Variants in IQCE observed in about 807,000 individuals in gnomAD.
The protein encoded by IQCE is IQ motif containing E.
IQCE carries 115 observed loss-of-function variants against 96.0 expected under a neutral mutation model. That is an observed-to-expected ratio of 1.20 (90% confidence interval 1.03 to 1.40). The LOEUF (loss-of-function observed/expected upper bound fraction) is 1.40. Among genes scored for constraint, IQCE ranks in the 40% most tolerant of loss-of-function variants. The probability of loss-of-function intolerance (pLI) is 0.00; values close to 1 mark genes in which losing one functional copy is unlikely to be tolerated. For missense variants in IQCE, 1,041 were observed against 909.1 expected (o/e 1.15, Z -1.87); for synonymous variants, 412 against 371.2 (o/e 1.11, Z -1.26).
rs141249313 is a variant in IQCE at position 2,566,887 on chromosome 7, C to G, written c.37-229C>G. ...GTTACTAGATTTGCAGACATTTGCACGCCTGCTGGGCGGCGTTTTGTGTTT... is the reference window on the plus strand; with the variant it reads ...GTTACTAGATTTGCAGACATTTGCAGGCCTGCTGGGCGGCGTTTTGTGTTT... On this transcript the variant is annotated intron_variant, in intron 1 of 21. Coordinates refer to ENST00000402050, the MANE Select transcript of IQCE (RefSeq NM_152558.5). 2.6e-5 allele frequency among the ~76,000 whole-genome samples: 4 copies of G among 152,366 alleles called. No individual in the cohort carries two copies. The South Asian group carries it at 6.2e-4, about 24-fold the overall frequency.
chr7:2,578,756 C>A (rs560895853), intron 8 of IQCE, among the ~76,000 whole-genome samples: 1 of 152,180 alleles, frequency 6.6e-6, no homozygotes, highest in African/African-American at 2.4e-5. Flanking sequence ...CCCATCACAA[C>A]GGGCGACTTC....
chr7:2,572,834 G>C (rs924021666), intron 5 of IQCE: 1 of 430,938 alleles, frequency 2.3e-6, no homozygotes, highest in Non-Finnish European at 4.6e-6. Flanking sequence ...ATGAGCCACC[G>C]TGCCCGGCCT....
In IQCE at chr7:2,584,300, T is replaced by C. The variant is rs780080917; in HGVS notation, c.824+15T>C. 2 of 1,613,430 alleles carry C rather than the reference T, an allele frequency of 1.2e-6. No homozygotes were observed. Among genetic ancestry groups the C allele is most frequent in the Admixed American group, 3.3e-5 (2 of 60,030 alleles). ...ACCGGAAAGAAGTATGATGGCCGCT[T>C]GCAAGCTGTGTTTTGTGTGTTGCCT... On this transcript the variant is annotated intron_variant, in intron 11 of 21. Transcript: ENST00000402050.
At chr7:2,592,645 G>A (rs1378539758) in intron 14 of IQCE, among the ~76,000 whole-genome samples, 1 of 152,256 alleles carries the variant, frequency 6.6e-6, no homozygotes, top group East Asian at 1.9e-4. Flanking sequence ...GCAGTGCCAC[G>A]GTCTAGGCGG....
chr7:2,565,396 G>A (rs1781300476), intron 1 of IQCE, among the ~76,000 whole-genome samples: 1 of 152,306 alleles, frequency 6.6e-6, no homozygotes, highest in East Asian at 1.9e-4. Context: ...AGCACGGCTG[G>A]AAGGGAGTGG....
chr7:2,578,520 C>T lies in IQCE; in HGVS notation c.624C>T (p.Ala208=), dbSNP rs992302308. ...CTCTGGCAGAGAAAAGGCCCGATGC[C>T]AGTTGGGTGAGTATGGTGTGTGCAG... The part of the protein sequence containing the change: ...VRTLAEKRPD[A]SWVINGLKQR... The change falls in exon 8 of 22, where the codon GCC becomes GCT. Residue 208 remains alanine, a synonymous_variant. Coordinates refer to ENST00000402050, the MANE Select transcript of IQCE (RefSeq NM_152558.5). 11 of 1,614,030 alleles carry T rather than the reference C, an allele frequency of 6.8e-6. No individual in the cohort carries two copies. The Admixed American group carries it at 1.5e-4, about 22-fold the overall frequency.
chr7:2,581,864 C>A (rs11770735), intron 8 of IQCE, among the ~76,000 whole-genome samples: 1 of 151,660 alleles, frequency 6.6e-6, no homozygotes, highest in African/African-American at 2.4e-5. Flanking sequence ...CGCCCGCCAC[C>A]GCGCCTGGCT....
At chr7:2,587,010 T>A (rs1477151318) in intron 12 of IQCE, among the ~76,000 whole-genome samples, 1 of 152,166 alleles carries the variant, frequency 6.6e-6, no homozygotes, top group Non-Finnish European at 1.5e-5. Flanking sequence ...TCTGCGCTTG[T>A]CTAGTCGGGC....
intron 3 of IQCE, among the ~76,000 whole-genome samples, chr7:2,571,132 C>G (rs1450610590): frequency 6.6e-6 from 1 of 152,162 alleles, no homozygotes; most frequent in Non-Finnish European, 1.5e-5. Flanking sequence ...ATCCTCCTGC[C>G]TCAGCCCCCT....
rs1785132975 is a variant in IQCE, at chr7:2,612,329, C to T, written c.*2167C>T. ...AGTGTCTTCAGCTGATGCCCAGTGT[C>T]CAGTGCTGGTCACCAGTCCCCTTTG... On this transcript the variant is annotated 3_prime_UTR_variant, in exon 22 of 22. Coordinates refer to ENST00000402050, the MANE Select transcript of IQCE (RefSeq NM_152558.5). The T allele has an allele frequency of 6.6e-6, 1 of 152,370 alleles. No individual in the cohort carries two copies. The highest frequency in any genetic ancestry group is 1.5e-5 in the Non-Finnish European group (1 of 68,156). The allele number at this position is 152,370 out of a possible 1,614,324, so 9.4% of individuals were successfully genotyped here.
intron 1 of IQCE, among the ~76,000 whole-genome samples, chr7:2,559,786 A>AGGG (rs1780797928): frequency 2.5e-5 from 1 of 39,760 alleles, no homozygotes; most frequent in Non-Finnish European, 6.6e-5. Context: ...GGGGGGGCGG[A>AGGG]GGGACAAGGT....
intron 1 of IQCE, 40 bp downstream of exon 1, chr7:2,559,257 C>T (rs899297472): frequency 4.2e-6 from 5 of 1,182,992 alleles, no homozygotes; most frequent in Non-Finnish European, 5.3e-6. Flanking sequence ...CGGGCGTCCG[C>T]GAGGCCTCGG....
At chr7:2,598,961 G>A (rs914072003) in intron 17 of IQCE, among the ~76,000 whole-genome samples, 2 of 152,180 alleles carry the variant, frequency 1.3e-5, no homozygotes, top group African/African-American at 2.4e-5. Flanking sequence ...CACCGTGACT[G>A]CACCTAGGGC....
intron 21 of IQCE, chr7:2,607,567 T>C: frequency 8.0e-7 from 1 of 1,243,950 alleles, no homozygotes; most frequent in South Asian, 3.3e-5. Context: ...CCTTTTCTAC[T>C]TTGTTAAAGT....
intron 13 of IQCE, among the ~76,000 whole-genome samples, chr7:2,589,564 C>T (rs1396162351): frequency 1.3e-5 from 2 of 152,130 alleles, no homozygotes; most frequent in Non-Finnish European, 2.9e-5. Context: ...AGCATGAAGG[C>T]TGAAAATGTC....
intron 20 of IQCE, among the ~76,000 whole-genome samples, chr7:2,606,319 T>A (rs1486965365): frequency 6.6e-6 from 1 of 152,070 alleles, no homozygotes; most frequent in Admixed American, 6.5e-5. Flanking sequence ...TGGCCTGGCT[T>A]TTGGCTGTGC....
At chr7:2,577,635 A>C (rs12700082) in intron 6 of IQCE, among the ~76,000 whole-genome samples, 775 of 24,178 alleles carry the variant, frequency 0.032, 19 homozygotes, top group African/African-American at 0.037. Flanking sequence ...TGCGGCGTGC[A>C]CGCATTGGCG....
intron 21 of IQCE, chr7:2,607,652 G>A (rs370794837): frequency 2.6e-6 from 2 of 766,226 alleles, no homozygotes; most frequent in South Asian, 6.0e-5. Flanking sequence ...TCCCTGCTCT[G>A]CCCGGAGCTG....
intron 11 of IQCE, 74 bp from the exon 12 acceptor site, chr7:2,586,134 C>A: frequency 7.1e-7 from 1 of 1,398,894 alleles, no homozygotes; most frequent in Non-Finnish European, 9.7e-7. Context: ...CTGTGATTCA[C>A]CTGTCCCTCG....
Sources: allele counts gnomAD v4.1 joint callset (sites outside exome capture counted in the v4.1 genomes callset), GRCh38; gene constraint gnomAD v4.1.1; transcripts MANE v1.5; gene names NCBI Gene and HGNC (gene_info 2026-07-23, HGNC 2026-07-21).